The following MYO5A variants were observed in gnomAD, a reference collection of about 807,000 sequenced individuals.
MYO5A encodes the protein myosin VA, also known as unconventional myosin-Va.
A neutral mutation model predicts 249.7 loss-of-function variants in MYO5A; 98 were observed. The observed-to-expected ratio is 0.39, with a 90% CI of 0.33 to 0.46. MYO5A has a LOEUF of 0.46. Ranked by LOEUF, MYO5A falls within the 20% of genes least tolerant of loss-of-function variation. The probability of loss-of-function intolerance (pLI) is 0.98; values close to 1 mark genes in which losing one functional copy is unlikely to be tolerated. For synonymous variants in MYO5A, 778 were observed against 810.6 expected (o/e 0.96, Z 0.68); for missense variants, 1,696 against 2,308.8 (o/e 0.73, Z 5.44).
chr15:52,414,715 C>G (rs189299122), intron 5 of MYO5A, among the ~76,000 whole-genome samples: 1 of 152,148 alleles, frequency 6.6e-6, no homozygotes, highest in Non-Finnish European at 1.5e-5. Context: ...CAAAACCAGT[C>G]AAAACAACAA....
In MYO5A at chr15:52,384,306, T is replaced by G. The variant is rs1596383312; in HGVS notation, c.1769A>C (p.Glu590Ala). Reference sequence around the variant, plus strand: ...GGCCTTCTCATCATCTTGAAATAGTTCTGGTAGCATCTTAAACTAAGTCAG... The same window carrying G: ...GGCCTTCTCATCATCTTGAAATAGTGCTGGTAGCATCTTAAACTAAGTCAG... The part of the protein sequence containing the change: ...LKSSKFKMLP[E>A]LFQDDEKAIS... The change falls in exon 15 of 42, where the codon GAA becomes GCA. Residue 590 changes from glutamate (E) to alanine (A), a missense_variant. Around this residue, in one of 5 missense-constraint regions of MYO5A, gnomAD observed 277 missense variants for 422.4 expected, o/e 0.66. Transcript: ENST00000399233. 2.5e-6 allele frequency: 4 copies of G among 1,614,164 alleles called. No individual in the cohort carries two copies. The South Asian group carries it at 4.4e-5, about 18-fold the overall frequency.
rs565265078 is a variant in MYO5A, at chr15:52,503,743, G to A, written c.27+25037C>T. Among the ~76,000 whole-genome samples the A allele has an allele frequency of 2.0e-5, 3 of 152,294 alleles. No individual in the cohort carries two copies. The East Asian group carries it at 5.8e-4, about 29-fold the overall frequency. ...TGGAAACTTATTATGTTCGTCTCCT[G>A]ATATGGTCAAATTTTCTTAATTTCC... On this transcript the variant is annotated intron_variant, in intron 1 of 41. Coordinates refer to ENST00000399233, the MANE Select transcript of MYO5A (RefSeq NM_001382347.1).
intron 37 of MYO5A, among the ~76,000 whole-genome samples, chr15:52,322,171 C>T (rs149599302): frequency 1.6e-4 from 24 of 152,336 alleles, no homozygotes; most frequent in African/African-American, 5.5e-4. Context: ...GAGGATTCTC[C>T]CTACAGCCAA....
chr15:52,505,744 C>A, intron 1 of MYO5A: 1 of 1,487,702 alleles, frequency 6.7e-7, no homozygotes. Context: ...AATTAAGAAA[C>A]TTCAAATACA....
At chr15:52,473,291 T>C (rs1193052730) in intron 1 of MYO5A, among the ~76,000 whole-genome samples, 2 of 152,256 alleles carry the variant, frequency 1.3e-5, no homozygotes, top group Non-Finnish European at 2.9e-5. Flanking sequence ...ATTCTGGATA[T>C]TGGCCCTTTG....
chr15:52,520,599 G>A (rs2077597579), intron 1 of MYO5A, among the ~76,000 whole-genome samples: 1 of 152,174 alleles, frequency 6.6e-6, no homozygotes. Flanking sequence ...TAAGTCACAT[G>A]AGCAAATAAA....
chr15:52,427,753 C>T (rs1043020663), intron 3 of MYO5A, among the ~76,000 whole-genome samples: 2 of 151,050 alleles, frequency 1.3e-5, no homozygotes, highest in Non-Finnish European at 2.9e-5. Context: ...AATGGTAAGA[C>T]GTCAGCGGAG....
Position 52,480,222 on chromosome 15 carries a change from C to T in MYO5A, c.28-46937G>A, listed in dbSNP as rs117262654. On this transcript the variant is annotated intron_variant, in intron 1 of 41. Coordinates refer to ENST00000399233, the MANE Select transcript of MYO5A (RefSeq NM_001382347.1). ...AGAAATAAGAACTAAATACTAATTG[C>T]GATAGAAACTTGACTGGCAAACATC... Among the ~76,000 whole-genome samples, 25 of 152,234 alleles carry T rather than the reference C, an allele frequency of 1.6e-4. No homozygotes were observed. In the East Asian group the frequency reaches 3.9e-3, roughly 23 times the overall value.
chr15:52,459,504 A>G (rs1249745528), intron 1 of MYO5A, among the ~76,000 whole-genome samples: 5 of 152,224 alleles, frequency 3.3e-5, no homozygotes, highest in African/African-American at 1.2e-4. Flanking sequence ...ATAGATTAAC[A>G]GCATCCCAAG....
intron 1 of MYO5A, among the ~76,000 whole-genome samples, chr15:52,450,604 G>A (rs948749271): frequency 2.6e-5 from 4 of 151,648 alleles, no homozygotes; most frequent in Non-Finnish European, 5.9e-5. Context: ...AAGAGGTGGA[G>A]GCTGCAAGAG....
At chr15:52,470,809 G>A (rs2076448123) in intron 1 of MYO5A, among the ~76,000 whole-genome samples, 1 of 152,062 alleles carries the variant, frequency 6.6e-6, no homozygotes, top group Non-Finnish European at 1.5e-5. Flanking sequence ...GATCACTCGA[G>A]GTCAGGCATT....
At chr15:52,361,915 G>A (rs575644436) in intron 24 of MYO5A, among the ~76,000 whole-genome samples, 11 of 152,176 alleles carry the variant, frequency 7.2e-5, no homozygotes, top group South Asian at 4.2e-4. Flanking sequence ...TTATCCCTTT[G>A]TCAAGACTAA....
intron 2 of MYO5A, among the ~76,000 whole-genome samples, chr15:52,432,167 G>A (rs779063054): frequency 3.9e-5 from 6 of 152,168 alleles, no homozygotes. Flanking sequence ...CTTCCCTATA[G>A]AAGAATTCTA....
At chr15:52,414,194 GT>G (rs2141247323) in intron 5 of MYO5A, among the ~76,000 whole-genome samples, 1 of 152,204 alleles carries the variant, frequency 6.6e-6, no homozygotes, top group South Asian at 2.1e-4. Flanking sequence ...CAGGTTTCCC[GT>G]TTGTGTGTGT....
intron 1 of MYO5A, among the ~76,000 whole-genome samples, chr15:52,522,190 G>A (rs939280749): frequency 6.6e-6 from 1 of 152,212 alleles, no homozygotes; most frequent in Admixed American, 6.5e-5. Flanking sequence ...CCCTGAAGAT[G>A]TTGGGGAAGA....
chr15:52,415,164 C>G (rs1202234413), intron 5 of MYO5A, among the ~76,000 whole-genome samples: 1 of 152,052 alleles, frequency 6.6e-6, no homozygotes, highest in Non-Finnish European at 1.5e-5. Context: ...GTGCACCAGG[C>G]CGATTTTAAC....
At chr15:52,369,936 A>C (rs2041017989) in intron 22 of MYO5A, among the ~76,000 whole-genome samples, 1 of 148,178 alleles carries the variant, frequency 6.7e-6, no homozygotes, top group Admixed American at 6.8e-5. Flanking sequence ...TCTCCTAAAA[A>C]TACAGCTTTG....
Position 52,459,147 on chromosome 15 carries a change from ATTTTTTTTTTTT to A in MYO5A, c.28-25874_28-25863del, listed in dbSNP as rs531798708. On this transcript the variant is annotated intron_variant, in intron 1 of 41. Transcript: ENST00000399233. ...CCTGAGTAGCTGGGATTTTCCAGAA[ATTTTTTTTTTTT>A]TTTTTTTTTTTTTTTAGTATTTATT... Among the ~76,000 whole-genome samples the A allele has an allele frequency of 2.0e-4, 13 of 64,290 alleles. No homozygotes were observed. In the East Asian group the frequency reaches 4.6e-3, roughly 23 times the overall value. 42.2% of individuals were successfully genotyped at this position (64,290 alleles called of 152,430 possible).
chr15:52,314,660 ATC>A (rs1419533539), intron 40 of MYO5A, among the ~76,000 whole-genome samples: 1 of 152,186 alleles, frequency 6.6e-6, no homozygotes, highest in African/African-American at 2.4e-5. Context: ...TAATACAATT[ATC>A]TCTTTTGAAT....
Sources: gnomAD v4.1 joint callset for allele counts (sites outside exome capture counted in the v4.1 genomes callset) on GRCh38, gnomAD v4.1.1 for gene constraint, gnomAD v4.1.1 regional missense constraint, MANE v1.5 for transcripts, NCBI Gene and HGNC (gene_info 2026-07-23, HGNC 2026-07-21) for gene names.